ABCA5: variants seen among roughly 807,000 people sequenced by gnomAD.
ABCA5 encodes cholesterol transporter ABCA5.
In ABCA5, 163 loss-of-function variants were observed where a neutral mutation model predicts 206.0. The ratio of observed to expected loss-of-function variants is 0.79; its 90% confidence interval spans 0.70 to 0.90. The LOEUF is 0.90. ABCA5 is among the 40% of genes least tolerant of loss of function. The pLI is 0.00. For synonymous variants in ABCA5, 609 were observed against 613.8 expected, an observed-to-expected ratio of 0.99 and a Z score of 0.11; for missense variants, 1,859 against 1,912.9, an observed-to-expected ratio of 0.97 and a Z score of 0.53.
chr17:69,247,631 A>G lies in ABCA5; in HGVS notation c.4835T>C (p.Leu1612Pro). 6.2e-7 allele frequency: 1 copy of G among 1,604,822 alleles called. No individual in the cohort carries two copies. The highest frequency in any genetic ancestry group is 8.5e-7 in the Non-Finnish European group (1 of 1,175,658). ...ATCTTCCTCCTCTTGTTCTTTAGTG[A>G]GTTCTACAAAAACCTAGGTGAAAAG... ...QATLEQVFVE[L>P]TKEQEEEDNS... The change falls in exon 39 of 39, where the codon CTC (leucine) becomes CCC (proline). Residue 1612 changes from leucine (L) to proline (P), a missense_variant. By Grantham distance (98) the Leu-to-Pro change is moderately conservative. Coordinates refer to ENST00000392676, the MANE Select transcript of ABCA5 (RefSeq NM_172232.4).
intron 15 of ABCA5, 64 bp from the exon 16 acceptor site, chr17:69,286,375 A>C: frequency 7.1e-7 from 1 of 1,418,404 alleles, no homozygotes; most frequent in Non-Finnish European, 9.7e-7. Flanking sequence ...TGGCATTTAC[A>C]TTTTATGGTT....
Position 69,286,309 on chromosome 17 carries a change from T to C in ABCA5, c.2044A>G (p.Arg682Gly), listed in dbSNP as rs760405594. The stretch of plus-strand genomic sequence containing the variant: ...ATTCCTTGTGATATCACAGCTTTCC[T>C]ATCTGCAGATAAATATTTACATTTC... The part of the protein sequence containing the change: ...FMDEADILAD[R>G]KAVISQGMLK... The change falls in exon 16 of 39, where the codon AGG becomes GGG. Residue 682 changes from arginine to glycine, a missense_variant and splice_region_variant. Transcript: ENST00000392676. 6.3e-7 allele frequency: 1 copy of C among 1,589,390 alleles called. No individual in the cohort carries two copies. Among genetic ancestry groups the C allele is most frequent in the South Asian group, 1.2e-5 (1 of 86,010 alleles).
Position 69,313,264 on chromosome 17 carries a change from C to G in ABCA5, c.135G>C (p.Trp45Cys). The G allele has an allele frequency of 6.9e-7, 1 of 1,439,034 alleles. No homozygotes were observed. Among genetic ancestry groups the G allele is most frequent in the South Asian group, 1.3e-5 (1 of 79,392 alleles). The allele number at this position is 1,439,034 out of a possible 1,614,324, so 89.1% of individuals were successfully genotyped here. Reference sequence around the variant, plus strand: ...GATGCATCATGCTAATTAATATTAACCAAAATAAAAAAAATAGTGGAAAAA... The same window carrying G: ...GATGCATCATGCTAATTAATATTAAGCAAAATAAAAAAAATAGTGGAAAAA... The part of the protein sequence containing the change: ...EILFPLFFLF[W>C]LILISMMHPN... Residue 45 changes from tryptophan (W) to cysteine (C), a missense_variant, in exon 3 of 39, where the codon TGG becomes TGC. Transcript: ENST00000392676.
chr17:69,256,056 T>C (rs1475774712), intron 29 of ABCA5, 101 bp downstream of exon 29: 7 of 1,393,646 alleles, frequency 5.0e-6, no homozygotes, highest in Non-Finnish European at 6.7e-6. Context: ...TTTTTTCAGA[T>C]TGCTTCATAT....
In ABCA5 at chr17:69,254,336, T is replaced by G. The variant is rs753207252; in HGVS notation, c.4223A>C (p.Asp1408Ala). 1.2e-6 allele frequency: 2 copies of G among 1,606,258 alleles called. No homozygotes were observed. The highest frequency in any genetic ancestry group is 3.4e-5 in the Admixed American group (2 of 59,074). ...YGAVKGMSASDMKEVISRITH... is the reference protein window; with the variant it reads ...YGAVKGMSASAMKEVISRITH... ...TTACCGACTTATGACTTCTTTCATG[T>G]CACTTGCACTCATTCCTTTGACAGC... The change falls in exon 32 of 39, where the codon GAC (aspartate) becomes GCC (alanine). Residue 1408 changes from aspartate to alanine, a missense_variant. Coordinates refer to ENST00000392676, the MANE Select transcript of ABCA5 (RefSeq NM_172232.4).
intron 18 of ABCA5, among the ~76,000 whole-genome samples, chr17:69,280,327 T>C (rs904699454): frequency 7.9e-5 from 12 of 152,092 alleles, no homozygotes; most frequent in African/African-American, 2.7e-4. Flanking sequence ...ATCAAAACCA[T>C]AATGAGATAC....
chr17:69,323,385 C>G (rs909518863), intron 1 of ABCA5, among the ~76,000 whole-genome samples: 12 of 152,208 alleles, frequency 7.9e-5, no homozygotes, highest in Non-Finnish European at 1.6e-4. Flanking sequence ...CAGGCCTTGC[C>G]TATGTAAAGG....
intron 1 of ABCA5, among the ~76,000 whole-genome samples, chr17:69,323,314 G>T (rs954078736): frequency 1.8e-4 from 28 of 152,200 alleles, no homozygotes; most frequent in African/African-American, 6.7e-4. Flanking sequence ...ATAACTAATT[G>T]AATTGCTCTA....
At chr17:69,282,845 A>C (rs2075410271) in intron 18 of ABCA5, among the ~76,000 whole-genome samples, 1 of 151,950 alleles carries the variant, frequency 6.6e-6, no homozygotes, top group Non-Finnish European at 1.5e-5. Flanking sequence ...ATTTTCAGGA[A>C]ATGGCAATCT....
Position 69,286,315 on chromosome 17 carries a change from C to G in ABCA5, c.2042-4G>C, listed in dbSNP as rs763718839. 1.9e-6 allele frequency: 3 copies of G among 1,587,042 alleles called. No homozygotes were observed. The South Asian group carries it at 3.5e-5, about 18-fold the overall frequency. ...TGTGATATCACAGCTTTCCTATCTGCAGATAAATATTTACATTTCAATTTC... is the reference window on the plus strand; with the variant it reads ...TGTGATATCACAGCTTTCCTATCTGGAGATAAATATTTACATTTCAATTTC... On this transcript the variant is annotated splice_polypyrimidine_tract_variant and splice_region_variant and intron_variant, in intron 15 of 38. Transcript: ENST00000392676.
At chr17:69,298,330 G>GGAAGGAAGGAAGGAAA (rs2075613634) in intron 9 of ABCA5, among the ~76,000 whole-genome samples, 1 of 149,698 alleles carries the variant, frequency 6.7e-6, no homozygotes, top group African/African-American at 2.4e-5. Flanking sequence ...AAGGAAGGAA[G>GGAAGGAAGGAAGGAAA]GAAGGAAGGA....
chr17:69,286,203 A>T lies in ABCA5; in HGVS notation c.2132+18T>A. The T allele has an allele frequency of 6.3e-7, 1 of 1,595,590 alleles. No homozygotes were observed. Among genetic ancestry groups the T allele is most frequent in the Non-Finnish European group, 8.5e-7 (1 of 1,170,534 alleles). On this transcript the variant is annotated intron_variant, in intron 16 of 38. Coordinates refer to ENST00000392676, the MANE Select transcript of ABCA5 (RefSeq NM_172232.4). ...CAAGAGTATAATATAGAATAATGTC[A>T]ATAAAAATGAATGATACCTCAGGCG...
At chr17:69,284,130 T>A (rs982118702) in intron 17 of ABCA5, 58 bp from the exon 18 acceptor site, 9 of 1,346,994 alleles carry the variant, frequency 6.7e-6, no homozygotes, top group Admixed American at 3.2e-5. Flanking sequence ...TAAATTATTG[T>A]AAAATATCCT....
rs139609868 is a variant in ABCA5 at position 69,267,037 on chromosome 17, A to G, written c.3144+906T>C. Among the ~76,000 whole-genome samples, 995 of 151,304 alleles carry G rather than the reference A, an allele frequency of 6.6e-3. 14 individuals are homozygous for G. The highest frequency in any genetic ancestry group is 0.022 in the African/African-American group (926 of 41,202). ...TTACAGGCATGCACCACCACGCCCTAATTTTTTTTCTATTTTTAGTAGAGA... is the reference window on the plus strand; with the variant it reads ...TTACAGGCATGCACCACCACGCCCTGATTTTTTTTCTATTTTTAGTAGAGA... On this transcript the variant is annotated intron_variant, in intron 23 of 38. Coordinates refer to ENST00000392676, the MANE Select transcript of ABCA5 (RefSeq NM_172232.4).
intron 18 of ABCA5, among the ~76,000 whole-genome samples, chr17:69,279,584 A>C (rs1218430664): frequency 3.9e-5 from 6 of 152,050 alleles, no homozygotes; most frequent in African/African-American, 1.4e-4. Flanking sequence ...AGTCAATCCT[A>C]AGCCAAAAGA....
chr17:69,256,648 G>A (rs906612371), intron 28 of ABCA5, among the ~76,000 whole-genome samples: 2 of 150,830 alleles, frequency 1.3e-5, no homozygotes, highest in Non-Finnish European at 3.0e-5. Flanking sequence ...TAGAGACAGG[G>A]TTTCACCATG....
intron 3 of ABCA5, among the ~76,000 whole-genome samples, chr17:69,310,104 C>A (rs1274371152): frequency 1.3e-5 from 2 of 152,040 alleles, no homozygotes; most frequent in Non-Finnish European, 2.9e-5. Flanking sequence ...TAATGCAGTT[C>A]ATTTATCTAT....
intron 1 of ABCA5, among the ~76,000 whole-genome samples, chr17:69,320,089 G>A (rs554331766): frequency 2.9e-4 from 44 of 152,296 alleles, no homozygotes; most frequent in African/African-American, 9.4e-4. Flanking sequence ...GCTGAAAATG[G>A]TGGCTTGTAC....
chr17:69,255,579 A>G lies in ABCA5; in HGVS notation c.4032T>C (p.Asn1344=), dbSNP rs959310125. 12 of 1,582,200 alleles carry G rather than the reference A, an allele frequency of 7.6e-6. No individual in the cohort carries two copies. The highest frequency in any genetic ancestry group is 9.4e-6 in the Non-Finnish European group (11 of 1,170,584). ...TTGGTTCAATATCACCAACCAGAAT[A>G]TTAATAATTGTGCTTTTGCCAGCAC... ...PNGAGKSTII[N]ILVGDIEPTS... The change falls in exon 31 of 39, where the codon AAT becomes AAC. Residue 1344 remains asparagine, a synonymous_variant. Coordinates refer to ENST00000392676, the MANE Select transcript of ABCA5 (RefSeq NM_172232.4).
Sources: gnomAD v4.1 joint callset for allele counts (sites outside exome capture counted in the v4.1 genomes callset) on GRCh38, gnomAD v4.1.1 for gene constraint, MANE v1.5 for transcripts, NCBI Gene and HGNC (gene_info 2026-07-23, HGNC 2026-07-21) for gene names.